The following SLC30A3 variants were observed in gnomAD, a reference collection of about 807,000 sequenced individuals.
SLC30A3 encodes solute carrier family 30 member 3, also known as probable proton-coupled zinc antiporter SLC30A3.
Under a neutral mutation model 35.6 loss-of-function variants are expected in SLC30A3, and 20 were observed. The observed-to-expected ratio is 0.56, with a 90% CI of 0.39 to 0.82. The LOEUF is 0.82. SLC30A3 is among the 40% of genes least tolerant of loss of function. The probability of loss-of-function intolerance (pLI) is 0.00; values close to 1 mark genes in which losing one functional copy is unlikely to be tolerated. For missense variants in SLC30A3, 401 were observed against 530.6 expected, an observed-to-expected ratio of 0.76 and a Z score of 2.40; for synonymous variants, 217 against 224.7, an observed-to-expected ratio of 0.97 and a Z score of 0.31.
chr2:27,258,922 C>T lies in SLC30A3; in HGVS notation c.108G>A (p.Glu36=). 6.3e-7 allele frequency: 1 copy of T among 1,597,590 alleles called. No homozygotes were observed. The highest frequency in any genetic ancestry group is 1.3e-5 in the African/African-American group (1 of 74,466). Residue 36 remains glutamate, a synonymous_variant, in exon 2 of 8, where the codon GAG becomes GAA. Coordinates refer to ENST00000233535, the MANE Select transcript of SLC30A3 (RefSeq NM_003459.5). The surrounding 1 kb of genome is among the most constrained non-coding windows in gnomAD (Gnocchi z 4.0). The part of the protein sequence containing the change: ...GSLRLKSLFT[E]PSEPLPEESK... ...ACTCCTCAGGGAGGGGCTCTGAGGG[C>T]TCTGTGAAGAGACTGAGGCAAGCAA...
chr2:27,269,411 G>GTT (rs1467221899), intron 1 of SLC30A3, among the ~76,000 whole-genome samples: 2 of 151,908 alleles, frequency 1.3e-5, no homozygotes, highest in Non-Finnish European at 2.9e-5. Context: ...GTTTCACTGT[G>GTT]TTAGCCAGGA....
rs772551090 is a variant in SLC30A3, at chr2:27,255,333, G to A, written c.1146C>T (p.Cys382=). Residue 382 remains cysteine (C), a synonymous_variant, in exon 8 of 8, where the codon TGC becomes TGT. Coordinates refer to ENST00000233535, the MANE Select transcript of SLC30A3 (RefSeq NM_003459.5). The surrounding 1 kb of genome is among the most constrained non-coding windows in gnomAD (Gnocchi z 5.2). The part of the protein sequence containing the change: ...YQPEMAQCLR[C]QEPPQA Reference sequence around the variant, plus strand: ...TGGCTCAGGCTTGGGGGGGTTCCTGGCAGCGCAGGCACTGGGCCATCTCCG... The same window carrying A: ...TGGCTCAGGCTTGGGGGGGTTCCTGACAGCGCAGGCACTGGGCCATCTCCG... 4.3e-6 allele frequency: 7 copies of A among 1,614,130 alleles called. No homozygotes were observed. The South Asian group carries it at 7.7e-5, about 18-fold the overall frequency.
At chr2:27,256,330 A>G (rs1676848693) in intron 7 of SLC30A3, 56 bp downstream of exon 7, 2 of 1,598,504 alleles carry the variant, frequency 1.3e-6, no homozygotes, top group Non-Finnish European at 1.7e-6. Flanking sequence ...CTATGGTCCC[A>G]TGTTTGGGGT....
At chr2:27,270,215 C>G (rs1317643880) in intron 1 of SLC30A3, among the ~76,000 whole-genome samples, 1 of 152,112 alleles carries the variant, frequency 6.6e-6, no homozygotes, top group Non-Finnish European at 1.5e-5. Context: ...AATAAGATTG[C>G]TTTCTATCTA....
intron 1 of SLC30A3, among the ~76,000 whole-genome samples, chr2:27,272,494 ATTTT>A (rs1216610551): frequency 1.5e-5 from 2 of 133,762 alleles, no homozygotes; most frequent in Admixed American, 7.6e-5. Context: ...GAAGGCAGCT[ATTTT>A]TTTTTTTTTT....
exon 1 of SLC30A3, chr2:27,275,227 G>T (rs1378516806): frequency 6.1e-6 from 8 of 1,303,888 alleles, no homozygotes; most frequent in Admixed American, 2.3e-5. Flanking sequence ...GAGTGAGTTG[G>T]GCCATCAAGA....
chr2:27,258,155 C>A lies in SLC30A3; in HGVS notation c.424+6G>T, dbSNP rs777230118. ...GGAGAGTCACTGGGCCATGCAGGGGCCTTACCTGAACGGTGCCAGCCAAAG... is the reference window on the plus strand; with the variant it reads ...GGAGAGTCACTGGGCCATGCAGGGGACTTACCTGAACGGTGCCAGCCAAAG... On this transcript the variant is annotated splice_donor_region_variant and intron_variant, in intron 3 of 7. Coordinates refer to ENST00000233535, the MANE Select transcript of SLC30A3 (RefSeq NM_003459.5). The surrounding 1 kb of genome is among the most constrained non-coding windows in gnomAD (Gnocchi z 4.0). 1.3e-6 allele frequency: 2 copies of A among 1,598,002 alleles called. No homozygotes were observed. Among genetic ancestry groups the A allele is most frequent in the African/African-American group, 1.3e-5 (1 of 74,738 alleles).
Position 27,257,666 on chromosome 2 carries a change from C to T in SLC30A3, c.578+239G>A. ...GGTGGCTGTGAGGTTTAAATGCAAT[C>T]ATGTTGATGAAAGCCCTCATCAGAG... On this transcript the variant is annotated intron_variant, in intron 4 of 7. Transcript: ENST00000233535. This position sits in a 1 kb window ranked among gnomAD's most constrained non-coding sequence, Gnocchi z 4.7. 4 of 601,472 alleles carry T rather than the reference C, an allele frequency of 6.7e-6. No individual in the cohort carries two copies. The highest frequency in any genetic ancestry group is 1.2e-5 in the Non-Finnish European group (4 of 339,858). 37.3% of individuals were successfully genotyped at this position (601,472 alleles called of 1,614,324 possible). A position where few individuals can be genotyped will look rare whatever the true frequency, so the allele number is the denominator to read the frequency against.
At chr2:27,269,898 C>A (rs1223234213) in intron 1 of SLC30A3, among the ~76,000 whole-genome samples, 1 of 151,866 alleles carries the variant, frequency 6.6e-6, no homozygotes, top group South Asian at 2.1e-4. Flanking sequence ...AAAAGAAAAT[C>A]CAGTCAGGAC....
At chr2:27,263,201 C>G (rs184083753), upstream of SLC30A3, 979 of 955,618 alleles carry the variant, frequency 1.0e-3, 4 homozygotes, top group African/African-American at 0.015. Flanking sequence ...CGCGCCAGAG[C>G]CCGGGAGCGC....
At chr2:27,264,115 T>C, upstream of SLC30A3, 1 of 1,237,402 alleles carries the variant, frequency 8.1e-7, no homozygotes, top group African/African-American at 1.5e-5. This position sits in a 1 kb window ranked among gnomAD's most constrained non-coding sequence, Gnocchi z 6.1. Context: ...AAGAGGATTG[T>C]GCACTCGAAG....
upstream of SLC30A3, among the ~76,000 whole-genome samples, chr2:27,263,822 C>T (rs1177414561): frequency 6.9e-6 from 1 of 144,542 alleles, no homozygotes; most frequent in African/African-American, 2.6e-5. Context: ...CTCTTACGGG[C>T]GGGGGTCCAG....
chr2:27,264,650 C>T (rs2148142132), upstream of SLC30A3, among the ~76,000 whole-genome samples: 1 of 152,294 alleles, frequency 6.6e-6, no homozygotes, highest in Admixed American at 6.5e-5. This position sits in a 1 kb window ranked among gnomAD's most constrained non-coding sequence, Gnocchi z 6.1. Flanking sequence ...GCGCCAGCCC[C>T]CAGCCTCCCC....
chr2:27,268,878 T>A (rs1240507387), intron 1 of SLC30A3, among the ~76,000 whole-genome samples: 1 of 152,066 alleles, frequency 6.6e-6, no homozygotes, highest in Non-Finnish European at 1.5e-5. Context: ...GAAGCATGCT[T>A]TAAGAACAGT....
chr2:27,263,970 A>G (rs1458110943), upstream of SLC30A3: 2 of 1,158,834 alleles, frequency 1.7e-6, no homozygotes, highest in South Asian at 1.3e-5. Context: ...ATTCTGCCTC[A>G]TTTGGGGGAA....
chr2:27,267,804 A>G (rs1006001185), upstream of SLC30A3, among the ~76,000 whole-genome samples: 5 of 151,886 alleles, frequency 3.3e-5, no homozygotes, highest in Non-Finnish European at 7.4e-5. Context: ...GCGTGGTGAC[A>G]TGTGCCTGTA....
upstream of SLC30A3, chr2:27,263,430 C>T: frequency 2.3e-6 from 1 of 425,654 alleles, no homozygotes; most frequent in South Asian, 1.7e-5. Flanking sequence ...AACCCTCACG[C>T]GGAGGCAGAA....
chr2:27,270,013 G>A (rs186108332), intron 1 of SLC30A3, among the ~76,000 whole-genome samples: 5 of 152,258 alleles, frequency 3.3e-5, no homozygotes, highest in Admixed American at 2.6e-4. Flanking sequence ...AAGATAGTTG[G>A]TGGGTTAAAC....
Position 27,255,221 on chromosome 2 carries a change from G to A in SLC30A3, c.*91C>T. 4 of 1,606,114 alleles carry A rather than the reference G, an allele frequency of 2.5e-6. No individual in the cohort carries two copies. Among genetic ancestry groups the A allele is most frequent in the Non-Finnish European group, 3.4e-6 (4 of 1,177,590 alleles). On this transcript the variant is annotated 3_prime_UTR_variant, in exon 8 of 8. Transcript: ENST00000233535. This position sits in a 1 kb window ranked among gnomAD's most constrained non-coding sequence, Gnocchi z 5.2. Reference sequence around the variant, plus strand: ...GGAGAGAGGAAGGGGTATGGACCTGGCTCGGTCCCGTCTCTGTGATCAGGG... The same window carrying A: ...GGAGAGAGGAAGGGGTATGGACCTGACTCGGTCCCGTCTCTGTGATCAGGG...
Sources: gnomAD v4.1 joint callset for allele counts (sites outside exome capture counted in the v4.1 genomes callset) on GRCh38, gnomAD v4.1.1 for gene constraint, Gnocchi (gnomAD v3.1) non-coding constraint, MANE v1.5 for transcripts, NCBI Gene and HGNC (gene_info 2026-07-23, HGNC 2026-07-21) for gene names.